PIK3CG: variants seen among roughly 807,000 people sequenced by gnomAD.
PIK3CG encodes phosphatidylinositol 4,5-bisphosphate 3-kinase catalytic subunit gamma isoform.
In PIK3CG, 55 loss-of-function variants were observed where a neutral mutation model predicts 102.3. The observed-to-expected ratio is 0.54, with a 90% confidence interval of 0.43 to 0.67. The LOEUF (loss-of-function observed/expected upper bound fraction) is 0.67. PIK3CG is among the 30% of genes least tolerant of loss of function. The probability of loss-of-function intolerance (pLI) is 0.00; values close to 1 mark genes in which losing one functional copy is unlikely to be tolerated. For synonymous variants in PIK3CG, 552 were observed against 540.0 expected, an observed-to-expected ratio of 1.02 and a Z score of -0.31; for missense variants, 1,258 against 1,391.8, an observed-to-expected ratio of 0.90 and a Z score of 1.53.
chr7:106,883,189 A>G lies in PIK3CG; in HGVS notation c.2760+26A>G, dbSNP rs762300454. 2 of 1,613,472 alleles carry G rather than the reference A, an allele frequency of 1.2e-6. No individual in the cohort carries two copies. Among genetic ancestry groups the G allele is most frequent in the Non-Finnish European group, 1.7e-6 (2 of 1,179,470 alleles). On this transcript the variant is annotated intron_variant, in intron 8 of 10. Coordinates refer to ENST00000496166, the MANE Select transcript of PIK3CG (RefSeq NM_001282426.2). This position sits in a 1 kb window ranked among gnomAD's most constrained non-coding sequence, Gnocchi z 5.8. The stretch of plus-strand genomic sequence containing the variant: ...GTGAGCTCATGCTTTTTCCCAGTCT[A>G]ATGGCTCCTTACAAGTTGTCATTTA...
chr7:106,888,889 T>A (rs1791194768), intron 10 of PIK3CG, among the ~76,000 whole-genome samples: 1 of 152,218 alleles, frequency 6.6e-6, no homozygotes, highest in African/African-American at 2.4e-5. Context: ...CATCAGTTTC[T>A]TCATCTGTAA....
At position 106,908,969 on chromosome 7, in the gene PIK3CG, T is replaced by G. The variant is rs1199243173; in HGVS notation, c.*3582T>G. ...TCTGATAAATAAATTTGGTTCTAGT[T>G]TGGTGCTTGTCTGCATAGTCTCAAA... On this transcript the variant is annotated 3_prime_UTR_variant, in exon 11 of 11. Coordinates refer to ENST00000496166, the MANE Select transcript of PIK3CG (RefSeq NM_001282426.2). The surrounding 1 kb of genome is among the most constrained non-coding windows in gnomAD (Gnocchi z 4.1). Among the ~76,000 whole-genome samples the G allele has an allele frequency of 6.6e-6, 1 of 152,152 alleles. No individual in the cohort carries two copies. The highest frequency in any genetic ancestry group is 1.9e-4 in the East Asian group (1 of 5,194).
At position 106,891,779 on chromosome 7, in the gene PIK3CG, C is replaced by T. The variant is rs1196279137; in HGVS notation, c.3030+5487C>T. 2.0e-5 allele frequency among the ~76,000 whole-genome samples: 3 copies of T among 151,890 alleles called. No individual in the cohort carries two copies. The highest frequency in any genetic ancestry group is 2.1e-4 in the South Asian group (1 of 4,794). On this transcript the variant is annotated intron_variant, in intron 10 of 10. Transcript: ENST00000496166. This position sits in a 1 kb window ranked among gnomAD's most constrained non-coding sequence, Gnocchi z 4.4. Reference sequence around the variant, plus strand: ...ATAGGAGAAAAGTCTGGAGCCCATTCGTTGTGTTATTTTAATCTAGGATGA... The same window carrying T: ...ATAGGAGAAAAGTCTGGAGCCCATTTGTTGTGTTATTTTAATCTAGGATGA...
intron 10 of PIK3CG, among the ~76,000 whole-genome samples, chr7:106,900,746 GGTC>G (rs1791527646): frequency 6.6e-6 from 1 of 152,150 alleles, no homozygotes; most frequent in African/African-American, 2.4e-5. Flanking sequence ...TTGTAAGGCA[GGTC>G]TGGTGGGAAT....
Position 106,868,976 on chromosome 7 carries a change from G to C in PIK3CG, c.1415G>C (p.Arg472Pro), listed in dbSNP as rs751167601. ...YYVNLLLIDH[R>P]FLLRRGEYVL... is the part of the protein sequence containing the mutation. ...GTGAACCTGCTGCTGATAGACCACC[G>C]TTTCCTCCTGCGCCGTGGAGAATAC... Residue 472 changes from arginine to proline, a missense_variant, in exon 2 of 11, where the codon CGT becomes CCT. This residue lies in a region of PIK3CG where 832 missense variants were observed against 787.5 expected (regional missense o/e 1.06). Transcript: ENST00000496166. The surrounding 1 kb of genome is among the most constrained non-coding windows in gnomAD (Gnocchi z 6.2). The C allele has an allele frequency of 1.2e-6, 2 of 1,614,136 alleles. No individual in the cohort carries two copies. The highest frequency in any genetic ancestry group is 1.7e-6 in the Non-Finnish European group (2 of 1,180,022).
In PIK3CG at chr7:106,902,276, G is replaced by T. The variant is rs1324039896; in HGVS notation, c.3031-2833G>T. Among the ~76,000 whole-genome samples the T allele has an allele frequency of 6.6e-6, 1 of 152,034 alleles. No homozygotes were observed. Among genetic ancestry groups the T allele is most frequent in the Admixed American group, 6.5e-5 (1 of 15,270 alleles). On this transcript the variant is annotated intron_variant, in intron 10 of 10. Coordinates refer to ENST00000496166, the MANE Select transcript of PIK3CG (RefSeq NM_001282426.2). The surrounding 1 kb of genome is among the most constrained non-coding windows in gnomAD (Gnocchi z 4.3). ...TGTCAAGCAATGCGGGGGGTGTGTGGGATGCACGGGAGACACACTGGCCTC... is the reference window on the plus strand; with the variant it reads ...TGTCAAGCAATGCGGGGGGTGTGTGTGATGCACGGGAGACACACTGGCCTC...
rs1791025197 is a variant in PIK3CG, at chr7:106,884,357, T to A, written c.2872+91T>A. On this transcript the variant is annotated intron_variant, in intron 9 of 10. Coordinates refer to ENST00000496166, the MANE Select transcript of PIK3CG (RefSeq NM_001282426.2). The surrounding 1 kb of genome is among the most constrained non-coding windows in gnomAD (Gnocchi z 4.2). The stretch of plus-strand genomic sequence containing the variant: ...TTTTAACTCTAATTAACTGTAAGTG[T>A]TCAGTTCAGTGGCATTACATATGTT... The A allele has an allele frequency of 6.1e-6, 5 of 821,040 alleles. No homozygotes were observed. Among genetic ancestry groups the A allele is most frequent in the East Asian group, 2.6e-5 (1 of 37,800 alleles). 50.9% of individuals were successfully genotyped at this position (821,040 alleles called of 1,614,324 possible). A position where few individuals can be genotyped will look rare whatever the true frequency, so the allele number is the denominator to read the frequency against.
chr7:106,885,704 T>G (rs1306167865), intron 9 of PIK3CG, among the ~76,000 whole-genome samples: 1 of 152,104 alleles, frequency 6.6e-6, no homozygotes. Flanking sequence ...TTAGATACAT[T>G]CAGGATGGTA....
Position 106,868,991 on chromosome 7 carries a change from G to A in PIK3CG, c.1430G>A (p.Arg477His), listed in dbSNP as rs200175951. 47 of 1,614,034 alleles carry A rather than the reference G, an allele frequency of 2.9e-5. No individual in the cohort carries two copies. The highest frequency in any genetic ancestry group is 3.1e-5 in the Non-Finnish European group (37 of 1,180,044). Residue 477 changes from arginine (R) to histidine (H), a missense_variant, in exon 2 of 11, where the codon CGT (arginine) becomes CAT (histidine). Transcript: ENST00000496166. This position sits in a 1 kb window ranked among gnomAD's most constrained non-coding sequence, Gnocchi z 6.2. ...ATAGACCACCGTTTCCTCCTGCGCC[G>A]TGGAGAATACGTCCTCCACATGTGG... Reference protein sequence around the residue: ...LLIDHRFLLRRGEYVLHMWQI... With the variant: ...LLIDHRFLLRHGEYVLHMWQI...
rs1418100289 is a variant in PIK3CG, at chr7:106,902,573, A to G, written c.3031-2536A>G. Reference sequence around the variant, plus strand: ...AAAAAAAAAAGTCCAGTTTTTAGGTAAATTTTCCATCTCATTTTAAGTTAC... The same window carrying G: ...AAAAAAAAAAGTCCAGTTTTTAGGTGAATTTTCCATCTCATTTTAAGTTAC... On this transcript the variant is annotated intron_variant, in intron 10 of 10. Coordinates refer to ENST00000496166, the MANE Select transcript of PIK3CG (RefSeq NM_001282426.2). The surrounding 1 kb of genome is among the most constrained non-coding windows in gnomAD (Gnocchi z 4.3). 2.0e-5 allele frequency among the ~76,000 whole-genome samples: 3 copies of G among 150,970 alleles called. No individual in the cohort carries two copies. Among genetic ancestry groups the G allele is most frequent in the Non-Finnish European group, 4.4e-5 (3 of 67,828 alleles).
chr7:106,907,127 A>C lies in PIK3CG; in HGVS notation c.*1740A>C, dbSNP rs544936583. On this transcript the variant is annotated 3_prime_UTR_variant, in exon 11 of 11. Coordinates refer to ENST00000496166, the MANE Select transcript of PIK3CG (RefSeq NM_001282426.2). ...CAGAGCGAGACCCTGTCTCAAAAAAATAAAATAAAAAATAAAAACACCCTT... is the reference window on the plus strand; with the variant it reads ...CAGAGCGAGACCCTGTCTCAAAAAACTAAAATAAAAAATAAAAACACCCTT... 5.4e-6 allele frequency: 1 copy of C among 186,020 alleles called. No homozygotes were observed. The highest frequency in any genetic ancestry group is 1.1e-5 in the Non-Finnish European group (1 of 88,064). The allele number at this position is 186,020 out of a possible 1,614,324, so 11.5% of individuals were successfully genotyped here. A position where few individuals can be genotyped will look rare whatever the true frequency, so the allele number is the denominator to read the frequency against.
Position 106,877,864 on chromosome 7 carries a change from T to A in PIK3CG, c.2392-1655T>A, listed in dbSNP as rs1790805787. Among the ~76,000 whole-genome samples the A allele has an allele frequency of 6.6e-6, 1 of 152,226 alleles. No individual in the cohort carries two copies. The highest frequency in any genetic ancestry group is 2.1e-4 in the South Asian group (1 of 4,832). ...ACCCCCGCATCCTTTGCATTATTTT[T>A]ATTATGATTTCAACTTCTATATATG... On this transcript the variant is annotated intron_variant, in intron 5 of 10. Transcript: ENST00000496166. The surrounding 1 kb of genome is among the most constrained non-coding windows in gnomAD (Gnocchi z 4.5).
chr7:106,906,834 T>C lies in PIK3CG; in HGVS notation c.*1447T>C, dbSNP rs1378735799. 2.9e-5 allele frequency: 6 copies of C among 208,772 alleles called. No individual in the cohort carries two copies. The highest frequency in any genetic ancestry group is 1.8e-4 in the Admixed American group (3 of 16,740). The allele number at this position is 208,772 out of a possible 1,614,324, so 12.9% of individuals were successfully genotyped here. On this transcript the variant is annotated 3_prime_UTR_variant, in exon 11 of 11. Transcript: ENST00000496166. ...TTTGAGGTAGTCCAGACCTTTTCTTTTTTTTTTTTTTTTTAATGTGTGCAA... is the reference window on the plus strand; with the variant it reads ...TTTGAGGTAGTCCAGACCTTTTCTTCTTTTTTTTTTTTTTAATGTGTGCAA...
chr7:106,868,357 A>C lies in PIK3CG; in HGVS notation c.796A>C (p.Ser266Arg), dbSNP rs2116438126. Reference sequence around the variant, plus strand: ...TCTGATGGATATTCCCGAAAGCCAAAGCGAACAGGATTTTGTGCTGCGCGT... The same window carrying C: ...TCTGATGGATATTCCCGAAAGCCAACGCGAACAGGATTTTGTGCTGCGCGT... ...KSLMDIPESQ[S>R]EQDFVLRVCG... The change falls in exon 2 of 11, where the codon AGC (serine) becomes CGC (arginine). Residue 266 changes from serine to arginine, a missense_variant. Coordinates refer to ENST00000496166, the MANE Select transcript of PIK3CG (RefSeq NM_001282426.2). The surrounding 1 kb of genome is among the most constrained non-coding windows in gnomAD (Gnocchi z 6.2). 1 of 1,614,230 alleles carries C rather than the reference A, an allele frequency of 6.2e-7. No homozygotes were observed. The highest frequency in any genetic ancestry group is 2.2e-5 in the East Asian group (1 of 44,884).
Position 106,905,057 on chromosome 7 carries a change from A to T in PIK3CG, c.3031-52A>T, listed in dbSNP as rs2116616451. On this transcript the variant is annotated intron_variant, in intron 10 of 10. Coordinates refer to ENST00000496166, the MANE Select transcript of PIK3CG (RefSeq NM_001282426.2). The surrounding 1 kb of genome is among the most constrained non-coding windows in gnomAD (Gnocchi z 5.6). ...AGTACATCCCTGTAATCTTCAGCCTACTTGTTAGTTACCATAACAACAGTA... is the reference window on the plus strand; with the variant it reads ...AGTACATCCCTGTAATCTTCAGCCTTCTTGTTAGTTACCATAACAACAGTA... 6.7e-7 allele frequency: 1 copy of T among 1,499,638 alleles called. No homozygotes were observed. The highest frequency in any genetic ancestry group is 9.2e-7 in the Non-Finnish European group (1 of 1,089,474). 92.9% of individuals were successfully genotyped at this position (1,499,638 alleles called of 1,614,324 possible). A position where few individuals can be genotyped will look rare whatever the true frequency, so the allele number is the denominator to read the frequency against.
chr7:106,889,613 G>T (rs1054801204), intron 10 of PIK3CG, among the ~76,000 whole-genome samples: 1 of 152,194 alleles, frequency 6.6e-6, no homozygotes, highest in African/African-American at 2.4e-5. Context: ...AATACATGCT[G>T]CGTATTTGAA....
Position 106,867,702 on chromosome 7 carries a change from C to G in PIK3CG, c.141C>G (p.Ser47Arg), listed in dbSNP as rs1653770804. Reference sequence around the variant, plus strand: ...CCATCGAGTTCGTGCTGCCCACCAGCCAGCGCAAATGCAAGAGCCCCGAAA... The same window carrying G: ...CCATCGAGTTCGTGCTGCCCACCAGGCAGCGCAAATGCAAGAGCCCCGAAA... ...LIPIEFVLPT[S>R]QRKCKSPETA... The change falls in exon 2 of 11, where the codon AGC becomes AGG. Residue 47 changes from serine to arginine, a missense_variant. Coordinates refer to ENST00000496166, the MANE Select transcript of PIK3CG (RefSeq NM_001282426.2). The surrounding 1 kb of genome is among the most constrained non-coding windows in gnomAD (Gnocchi z 5.1). The G allele has an allele frequency of 6.2e-7, 1 of 1,613,190 alleles. No individual in the cohort carries two copies. Among genetic ancestry groups the G allele is most frequent in the African/African-American group, 1.3e-5 (1 of 74,952 alleles).
intron 2 of PIK3CG, among the ~76,000 whole-genome samples, chr7:106,870,781 C>T (rs181532323): frequency 6.6e-6 from 1 of 152,342 alleles, no homozygotes; most frequent in Admixed American, 6.5e-5. Flanking sequence ...CTTAAACTCT[C>T]AATCTTCACC....
At position 106,880,814 on chromosome 7, in the gene PIK3CG, G is replaced by C. The variant is rs1355391093; in HGVS notation, c.2538+1149G>C. ...CTGCCTTAGCCTCTGAAGTAACTAGGACTATAGGTGTGCACCACCATACCT... is the reference window on the plus strand; with the variant it reads ...CTGCCTTAGCCTCTGAAGTAACTAGCACTATAGGTGTGCACCACCATACCT... On this transcript the variant is annotated intron_variant, in intron 6 of 10. Coordinates refer to ENST00000496166, the MANE Select transcript of PIK3CG (RefSeq NM_001282426.2). The surrounding 1 kb of genome is among the most constrained non-coding windows in gnomAD (Gnocchi z 4.2). 6.6e-6 allele frequency among the ~76,000 whole-genome samples: 1 copy of C among 151,932 alleles called. No individual in the cohort carries two copies. Among genetic ancestry groups the C allele is most frequent in the Non-Finnish European group, 1.5e-5 (1 of 67,980 alleles).
Sources: allele counts gnomAD v4.1 joint callset (sites outside exome capture counted in the v4.1 genomes callset), GRCh38; gene constraint gnomAD v4.1.1; regional missense constraint gnomAD v4.1.1; non-coding constraint Gnocchi (gnomAD v3.1); transcripts MANE v1.5; gene names NCBI Gene and HGNC (gene_info 2026-07-23, HGNC 2026-07-21).